Variants in APBA1 observed in about 807,000 individuals in gnomAD.
APBA1 encodes the protein amyloid beta precursor protein binding family A member 1, also known as amyloid-beta A4 precursor protein-binding family A member 1.
APBA1 carries 55 observed loss-of-function variants against 86.6 expected under a neutral mutation model. The ratio of observed to expected loss-of-function variants is 0.64; its 90% confidence interval spans 0.51 to 0.80. APBA1 has a LOEUF of 0.80. Ranked by LOEUF, APBA1 falls within the 30% of genes least tolerant of loss-of-function variation. The pLI, the probability that APBA1 is intolerant of heterozygous loss-of-function variation, is 0.00. For missense variants in APBA1, 1,090 were observed against 1,183.0 expected, an observed-to-expected ratio of 0.92 and a Z score of 1.15; for synonymous variants, 511 against 493.9, an observed-to-expected ratio of 1.03 and a Z score of -0.46.
chr9:69,665,720 G>T (rs1823829711), intron 1 of APBA1, among the ~76,000 whole-genome samples: 1 of 152,216 alleles, frequency 6.6e-6, no homozygotes, highest in Admixed American at 6.5e-5. Context: ...AGAGATGTAA[G>T]TTCCAAGGAG....
At chr9:69,437,302 A>AG (rs1834745428) in intron 11 of APBA1, among the ~76,000 whole-genome samples, 1 of 151,406 alleles carries the variant, frequency 6.6e-6, no homozygotes, top group East Asian at 1.9e-4. Flanking sequence ...AAAATGAGTT[A>AG]GGGAGGATTC....
chr9:69,523,694 T>G (rs1836300235), intron 1 of APBA1, among the ~76,000 whole-genome samples: 1 of 151,448 alleles, frequency 6.6e-6, no homozygotes, highest in Non-Finnish European at 1.5e-5. Context: ...AAAGAAATTC[T>G]GGACTTAAAT....
At chr9:69,432,390 G>A (rs923308017) in intron 12 of APBA1, 146 bp downstream of exon 12, 3 of 744,188 alleles carry the variant, frequency 4.0e-6, no homozygotes, top group African/African-American at 3.6e-5. Flanking sequence ...CATTTGGTCA[G>A]AGACAGGTCT....
At chr9:69,623,733 G>T (rs1822873047) in intron 1 of APBA1, among the ~76,000 whole-genome samples, 1 of 152,204 alleles carries the variant, frequency 6.6e-6, no homozygotes, top group Non-Finnish European at 1.5e-5. Flanking sequence ...CATTCTAACA[G>T]GCTCCCTGGC....
At chr9:69,600,806 T>TAAATA (rs556966097) in intron 1 of APBA1, among the ~76,000 whole-genome samples, 3 of 143,684 alleles carry the variant, frequency 2.1e-5, no homozygotes, top group African/African-American at 7.7e-5. Flanking sequence ...CAAAAAATAA[T>TAAATA]AATAAATAAA....
At chr9:69,663,204 C>T (rs1823785005) in intron 1 of APBA1, among the ~76,000 whole-genome samples, 1 of 152,188 alleles carries the variant, frequency 6.6e-6, no homozygotes, top group Non-Finnish European at 1.5e-5. Context: ...GGGTGGATTA[C>T]ACATAATAAA....
intron 1 of APBA1, among the ~76,000 whole-genome samples, chr9:69,550,583 T>C (rs1836768101): frequency 6.6e-6 from 1 of 152,346 alleles, no homozygotes; most frequent in Non-Finnish European, 1.5e-5. Flanking sequence ...AGTGAGCTTC[T>C]ATTATATGGC....
At chr9:69,476,167 CAGTG>C (rs1835442294) in intron 2 of APBA1, 24 bp from the exon 3 acceptor site, 1 of 1,572,706 alleles carries the variant, frequency 6.4e-7, no homozygotes, top group Non-Finnish European at 8.7e-7. Flanking sequence ...AGAGGAAACA[CAGTG>C]AGAACTTGAG....
intron 9 of APBA1, among the ~76,000 whole-genome samples, chr9:69,451,369 G>A (rs898898293): frequency 5.3e-5 from 8 of 152,182 alleles, no homozygotes; most frequent in Admixed American, 3.9e-4. Flanking sequence ...AGACCCCAGT[G>A]GATCAAATGA....
chr9:69,470,544 G>T (rs995212182), intron 4 of APBA1, among the ~76,000 whole-genome samples: 1 of 152,198 alleles, frequency 6.6e-6, no homozygotes, highest in Non-Finnish European at 1.5e-5. Context: ...AATTTACGAT[G>T]ATTCAAGAGA....
intron 1 of APBA1, among the ~76,000 whole-genome samples, chr9:69,632,524 T>C (rs183341899): frequency 6.6e-6 from 1 of 152,270 alleles, no homozygotes; most frequent in Admixed American, 6.5e-5. Flanking sequence ...AGACTAATTA[T>C]AGTACTTATG....
In APBA1 at chr9:69,482,500, C is replaced by T. The variant is rs955850555; in HGVS notation, c.1201-6357G>A. On this transcript the variant is annotated intron_variant, in intron 2 of 12. Coordinates refer to ENST00000265381, the MANE Select transcript of APBA1 (RefSeq NM_001163.4). ...GGGTGCTGGAGAGGATGTGGAGAAACAGGAACACTTTTACACTGTTGGTGG... is the reference window on the plus strand; with the variant it reads ...GGGTGCTGGAGAGGATGTGGAGAAATAGGAACACTTTTACACTGTTGGTGG... Among the ~76,000 whole-genome samples, 97 of 150,698 alleles carry T rather than the reference C, an allele frequency of 6.4e-4. 1 individual carries two copies. The highest frequency in any genetic ancestry group is 2.1e-3 in the African/African-American group (84 of 40,918).
chr9:69,658,841 C>A (rs1199309014), intron 1 of APBA1, among the ~76,000 whole-genome samples: 2 of 152,060 alleles, frequency 1.3e-5, no homozygotes, highest in Non-Finnish European at 2.9e-5. Flanking sequence ...CCCAACAGAC[C>A]CCCTCTCTTA....
chr9:69,483,661 G>T (rs1366277731), intron 2 of APBA1, among the ~76,000 whole-genome samples: 3 of 152,146 alleles, frequency 2.0e-5, no homozygotes, highest in African/African-American at 7.2e-5. Context: ...CCAGCCTAAT[G>T]CTGTGAGGCT....
intron 1 of APBA1, among the ~76,000 whole-genome samples, chr9:69,523,497 G>GTATATATATATATATATATA (rs869242999): frequency 3.2e-5 from 1 of 30,884 alleles, no homozygotes; most frequent in Non-Finnish European, 6.7e-5. Flanking sequence ...ATATATATAT[G>GTATATATATATATATATATA]TATATATATA....
chr9:69,525,710 T>A (rs1175067903), intron 1 of APBA1, among the ~76,000 whole-genome samples: 1 of 152,106 alleles, frequency 6.6e-6, no homozygotes, highest in Non-Finnish European at 1.5e-5. Context: ...TTCACAGAAC[T>A]AGAGAAAACT....
chr9:69,436,336 G>A lies in APBA1; in HGVS notation c.2302-3660C>T, dbSNP rs1485577095. 8.7e-5 allele frequency among the ~76,000 whole-genome samples: 13 copies of A among 149,336 alleles called. No individual in the cohort carries two copies. In the East Asian group the frequency reaches 1.9e-3, roughly 22 times the overall value. On this transcript the variant is annotated intron_variant, in intron 11 of 12. Coordinates refer to ENST00000265381, the MANE Select transcript of APBA1 (RefSeq NM_001163.4). Reference sequence around the variant, plus strand: ...TGAAGAAAGTCATTGGTAGCTTGATGGGGATGGCATTGAATCTATAAATTA... The same window carrying A: ...TGAAGAAAGTCATTGGTAGCTTGATAGGGATGGCATTGAATCTATAAATTA...
chr9:69,444,425 TGTG>T (rs891579378), intron 10 of APBA1, among the ~76,000 whole-genome samples: 4 of 152,194 alleles, frequency 2.6e-5, no homozygotes, highest in African/African-American at 9.6e-5. Flanking sequence ...AGAGGACTCT[TGTG>T]GTGTCAGAAA....
intron 2 of APBA1, among the ~76,000 whole-genome samples, chr9:69,510,529 T>A (rs915601723): frequency 7.4e-6 from 1 of 135,770 alleles, no homozygotes; most frequent in South Asian, 2.5e-4. Context: ...GCCATCCCCA[T>A]CAAGCTACCA....
Sources: gnomAD v4.1 joint callset for allele counts (sites outside exome capture counted in the v4.1 genomes callset) on GRCh38, gnomAD v4.1.1 for gene constraint, MANE v1.5 for transcripts, NCBI Gene and HGNC (gene_info 2026-07-23, HGNC 2026-07-21) for gene names.